The following OXR1 variants were observed in gnomAD, a reference collection of about 807,000 sequenced individuals.
The protein encoded by OXR1 is oxidation resistance protein 1.
Under a neutral mutation model 104.6 loss-of-function variants are expected in OXR1, and 41 were observed. The ratio of observed to expected loss-of-function variants is 0.39; its 90% CI spans 0.31 to 0.51. The LOEUF is 0.51. Ranked by LOEUF, OXR1 falls within the 20% of genes least tolerant of loss-of-function variation. OXR1 has a pLI of 0.77. For missense variants in OXR1, 955 were observed against 1,031.9 expected (o/e 0.93, Z 1.02); for synonymous variants, 348 against 348.4 (o/e 1.00, Z 0.01).
intron 1 of OXR1, among the ~76,000 whole-genome samples, chr8:106,291,431 A>G (rs1812744924): frequency 6.6e-6 from 1 of 152,210 alleles, no homozygotes; most frequent in South Asian, 2.1e-4. Flanking sequence ...CTCAGTGGAA[A>G]CCATTATAAA....
intron 2 of OXR1, among the ~76,000 whole-genome samples, chr8:106,378,425 T>A (rs1473711062): frequency 2.0e-5 from 3 of 152,142 alleles, no homozygotes; most frequent in Admixed American, 1.3e-4. Flanking sequence ...TTCCCCCCAC[T>A]CTCTTCAAGG....
At chr8:106,640,843 A>G (rs1388128052) in intron 3 of OXR1, among the ~76,000 whole-genome samples, 4 of 152,202 alleles carry the variant, frequency 2.6e-5, no homozygotes, top group Non-Finnish European at 4.4e-5. Flanking sequence ...ATGTTTGTTC[A>G]CAATACTTGA....
chr8:106,441,688 G>A (rs893526111), intron 2 of OXR1, among the ~76,000 whole-genome samples: 5 of 152,096 alleles, frequency 3.3e-5, no homozygotes, highest in African/African-American at 1.2e-4. Context: ...ATTGTGAATG[G>A]GAGTTCATTC....
chr8:106,668,801 T>C (rs1826619882), intron 3 of OXR1, among the ~76,000 whole-genome samples: 1 of 152,244 alleles, frequency 6.6e-6, no homozygotes, highest in African/African-American at 2.4e-5. Context: ...TGAAGTTATG[T>C]AGGGAAGCCC....
At chr8:106,748,956 G>A (rs1835643315) in intron 16 of OXR1, among the ~76,000 whole-genome samples, 1 of 152,030 alleles carries the variant, frequency 6.6e-6, no homozygotes, top group African/African-American at 2.4e-5. Context: ...ATTTGTATAT[G>A]TAATTAATAT....
intron 15 of OXR1, among the ~76,000 whole-genome samples, chr8:106,744,880 A>G (rs888556817): frequency 6.6e-6 from 1 of 152,220 alleles, no homozygotes; most frequent in Non-Finnish European, 1.5e-5. Context: ...AAATTCTTTT[A>G]GCAAATTTGT....
At chr8:106,366,854 T>C (rs1401878915) in intron 2 of OXR1, among the ~76,000 whole-genome samples, 2 of 151,472 alleles carry the variant, frequency 1.3e-5, no homozygotes, top group African/African-American at 4.9e-5. Flanking sequence ...GAGCATAAAT[T>C]AAGAGAAAAT....
intron 3 of OXR1, among the ~76,000 whole-genome samples, chr8:106,652,483 C>T (rs1824671164): frequency 6.6e-6 from 1 of 151,812 alleles, no homozygotes; most frequent in Non-Finnish European, 1.5e-5. Context: ...TTGGGAAATT[C>T]ACAAACATGT....
intron 1 of OXR1, among the ~76,000 whole-genome samples, chr8:106,341,115 G>A (rs1379135760): frequency 1.3e-5 from 2 of 152,014 alleles, no homozygotes; most frequent in Non-Finnish European, 2.9e-5. Flanking sequence ...AAGTGAAGAC[G>A]TCCCAATATT....
intron 11 of OXR1, chr8:106,729,983 T>C (rs1833725832): frequency 6.6e-6 from 1 of 152,158 alleles, no homozygotes; most frequent in Non-Finnish European, 1.5e-5. Context: ...TGCATCTGTC[T>C]GTGTGTTTTT....
At chr8:106,454,901 G>A (rs1171996857) in intron 2 of OXR1, among the ~76,000 whole-genome samples, 3 of 152,032 alleles carry the variant, frequency 2.0e-5, no homozygotes, top group South Asian at 4.1e-4. Context: ...GGTCTCTTCC[G>A]CCTTGCCACC....
chr8:106,433,491 C>G (rs1179215465), intron 2 of OXR1, among the ~76,000 whole-genome samples: 1 of 152,134 alleles, frequency 6.6e-6, no homozygotes, highest in African/African-American at 2.4e-5. Flanking sequence ...GATTGGACCC[C>G]AGGCAAGAAG....
chr8:106,474,982 A>G (rs901429514), intron 2 of OXR1, among the ~76,000 whole-genome samples: 1 of 151,996 alleles, frequency 6.6e-6, no homozygotes, highest in Non-Finnish European at 1.5e-5. Flanking sequence ...GGCAAGTTAC[A>G]TAACATTTCT....
chr8:106,406,581 A>G (rs1209704347), intron 2 of OXR1, among the ~76,000 whole-genome samples: 1 of 152,194 alleles, frequency 6.6e-6, no homozygotes, highest in East Asian at 1.9e-4. Context: ...TTACTAAATG[A>G]AAGAAGCTAA....
In OXR1 at chr8:106,454,640, A is replaced by T. The variant is rs569963963; in HGVS notation, c.24-64303A>T. On this transcript the variant is annotated intron_variant, in intron 2 of 16. Coordinates refer to ENST00000517566, the MANE Select transcript of OXR1 (RefSeq NM_001198533.2). ...CAGAGGTGTTAAAATGTTAAAAAAT[A>T]ATAATAACTAAAGTCCGTCTCAGAA... Among the ~76,000 whole-genome samples the T allele has an allele frequency of 2.4e-4, 37 of 152,246 alleles. 1 individual carries two copies. Among genetic ancestry groups the T allele is most frequent in the Admixed American group, 2.3e-3 (35 of 15,274 alleles).
At chr8:106,597,394 C>A (rs1379602184) in intron 3 of OXR1, among the ~76,000 whole-genome samples, 3 of 152,162 alleles carry the variant, frequency 2.0e-5, no homozygotes, top group Admixed American at 1.3e-4. Flanking sequence ...AATTCTCAGC[C>A]TCCAGAATCA....
intron 3 of OXR1, among the ~76,000 whole-genome samples, chr8:106,522,055 T>C (rs1461834117): frequency 1.3e-5 from 2 of 152,216 alleles, no homozygotes; most frequent in African/African-American, 4.8e-5. Context: ...ATAGTTACTA[T>C]ATACATTCAA....
chr8:106,405,184 A>AG (rs1818180196), intron 2 of OXR1, among the ~76,000 whole-genome samples: 44 of 13,110 alleles, frequency 3.4e-3, no homozygotes, highest in East Asian at 9.0e-3. Flanking sequence ...ATATATATAT[A>AG]TATATATATA....
rs117930821 is a variant in OXR1 at position 106,542,863 on chromosome 8, C to G, written c.220+23724C>G. ...CTTACTTTAATATTTTTAGCAAACT[C>G]TCACCATTCTCTGGTTTGTTCTGCT... On this transcript the variant is annotated intron_variant, in intron 3 of 16. Transcript: ENST00000517566. Among the ~76,000 whole-genome samples, 395 of 152,224 alleles carry G rather than the reference C, an allele frequency of 2.6e-3. 1 individual carries two copies. Among genetic ancestry groups the G allele is most frequent in the Non-Finnish European group, 4.2e-3 (287 of 68,006 alleles).
Sources: gnomAD v4.1 joint callset for allele counts (sites outside exome capture counted in the v4.1 genomes callset) on GRCh38, gnomAD v4.1.1 for gene constraint, MANE v1.5 for transcripts, NCBI Gene and HGNC (gene_info 2026-07-23, HGNC 2026-07-21) for gene names.